The following VSIG10 variants were observed in gnomAD, a reference collection of about 807,000 sequenced individuals.
VSIG10 encodes V-set and immunoglobulin domain containing 10.
Under a neutral mutation model 58.7 loss-of-function variants are expected in VSIG10, and 48 were observed. The ratio of observed to expected loss-of-function variants is 0.82; its 90% confidence interval spans 0.65 to 1.04. The LOEUF (loss-of-function observed/expected upper bound fraction) is 1.04. VSIG10 is among the 50% of genes least tolerant of loss of function. The probability of loss-of-function intolerance (pLI) is 0.00; values close to 1 mark genes in which losing one functional copy is unlikely to be tolerated. For synonymous variants in VSIG10, 260 were observed against 267.1 expected, an observed-to-expected ratio of 0.97 and a Z score of 0.26; for missense variants, 628 against 670.0, an observed-to-expected ratio of 0.94 and a Z score of 0.69.
chr12:118,097,525 GA>G (rs931814667), intron 1 of VSIG10, among the ~76,000 whole-genome samples: 16 of 152,152 alleles, frequency 1.1e-4, no homozygotes, highest in African/African-American at 3.9e-4. Flanking sequence ...TGAGGCACGA[GA>G]ATCACTTGAA....
intron 1 of VSIG10, among the ~76,000 whole-genome samples, chr12:118,100,616 G>A (rs2033599741): frequency 6.6e-6 from 1 of 152,032 alleles, no homozygotes. Context: ...TGCAACCTCT[G>A]CCTTTGGGTT....
intron 4 of VSIG10, 47 bp downstream of exon 4, chr12:118,079,299 G>A: frequency 6.3e-7 from 1 of 1,596,616 alleles, no homozygotes; most frequent in South Asian, 1.1e-5. Context: ...CTAGGAGAAA[G>A]GAAGGCAGGG....
chr12:118,098,955 G>A (rs567326721), intron 1 of VSIG10, among the ~76,000 whole-genome samples: 5 of 150,240 alleles, frequency 3.3e-5, no homozygotes, highest in African/African-American at 1.2e-4. Flanking sequence ...GTCCTGGACA[G>A]TCTTGAACTC....
At chr12:118,088,880 T>C (rs561734404) in intron 2 of VSIG10, among the ~76,000 whole-genome samples, 1 of 152,108 alleles carries the variant, frequency 6.6e-6, no homozygotes, top group Non-Finnish European at 1.5e-5. Context: ...AACTAAGACA[T>C]GCACAGGACT....
chr12:118,084,749 C>T (rs1172523517), intron 2 of VSIG10, among the ~76,000 whole-genome samples: 2 of 152,164 alleles, frequency 1.3e-5, no homozygotes, highest in Non-Finnish European at 2.9e-5. Context: ...CGTGGTAGAG[C>T]ATGCCTGTAA....
rs893442212 is a variant in VSIG10, at chr12:118,085,868, A to G, written c.362-3439T>C. ...ACTTCGTCTCAAAAAAAAAAAAAAA[A>G]AGTTGGGCCCAGGCATGATGGCTCA... On this transcript the variant is annotated intron_variant, in intron 2 of 8. Coordinates refer to ENST00000359236, the MANE Select transcript of VSIG10 (RefSeq NM_019086.6). Among the ~76,000 whole-genome samples the G allele has an allele frequency of 2.2e-5, 3 of 138,230 alleles. No individual in the cohort carries two copies. The Admixed American group carries it at 2.2e-4, about 10-fold the overall frequency. The allele number at this position is 138,230 out of a possible 152,430, so 90.7% of individuals were successfully genotyped here. A position where few individuals can be genotyped will look rare whatever the true frequency, so the allele number is the denominator to read the frequency against.
chr12:118,096,514 G>A (rs185279086), intron 1 of VSIG10, among the ~76,000 whole-genome samples: 135 of 150,308 alleles, frequency 9.0e-4, no homozygotes, highest in African/African-American at 3.1e-3. Flanking sequence ...GGAAGCAGAG[G>A]TTGCGCTGAG....
chr12:118,100,561 C>T (rs548017638), intron 1 of VSIG10, among the ~76,000 whole-genome samples: 67 of 152,082 alleles, frequency 4.4e-4, no homozygotes, highest in African/African-American at 1.3e-3. Flanking sequence ...GATGAAGTCT[C>T]GCTCTGTTGC....
rs114260166 is a variant in VSIG10, at chr12:118,073,892, G to T, written c.1026C>A (p.Ile342=). The change falls in exon 5 of 9, where the codon ATC becomes ATA. Residue 342 remains isoleucine (I), a synonymous_variant. Coordinates refer to ENST00000359236, the MANE Select transcript of VSIG10 (RefSeq NM_019086.6). The part of the protein sequence containing the change: ...QVSGAYPPAK[I]LWLRNLTQPE... ...GCTGGGTAAGGTTCCTCAGCCACAGGATCTTGGCAGGGGGGTAGGCCCCAG... is the reference window on the plus strand; with the variant it reads ...GCTGGGTAAGGTTCCTCAGCCACAGTATCTTGGCAGGGGGGTAGGCCCCAG... 1,541 of 1,613,946 alleles carry T rather than the reference G, an allele frequency of 9.5e-4. 9 individuals carry two copies. In the African/African-American group the frequency reaches 0.017, roughly 18 times the overall value.
At chr12:118,101,725 A>C (rs2033627906) in intron 1 of VSIG10, 1 of 152,062 alleles carries the variant, frequency 6.6e-6, no homozygotes, top group South Asian at 2.1e-4. Flanking sequence ...TCAGGAGAAA[A>C]ATTTTTTTCC....
intron 4 of VSIG10, among the ~76,000 whole-genome samples, chr12:118,076,997 T>C (rs2032754625): frequency 6.6e-6 from 1 of 152,196 alleles, no homozygotes; most frequent in African/African-American, 2.4e-5. Context: ...GTCATTGGAT[T>C]ACAGCCTACT....
chr12:118,090,220 G>C (rs1239023099), intron 2 of VSIG10, among the ~76,000 whole-genome samples: 1 of 152,118 alleles, frequency 6.6e-6, no homozygotes, highest in Non-Finnish European at 1.5e-5. Context: ...CAGAAGAATC[G>C]CTTGAACACA....
chr12:118,069,599 G>T (rs1008501579), intron 7 of VSIG10, among the ~76,000 whole-genome samples: 3 of 151,734 alleles, frequency 2.0e-5, no homozygotes, highest in African/African-American at 7.3e-5. Context: ...CTAATTTTTT[G>T]TATTTTTAGT....
At chr12:118,088,050 C>G (rs917939264) in intron 2 of VSIG10, among the ~76,000 whole-genome samples, 1 of 151,868 alleles carries the variant, frequency 6.6e-6, no homozygotes, top group Non-Finnish European at 1.5e-5. Flanking sequence ...TCAAGACCAG[C>G]CTGGCCAACA....
chr12:118,071,700 G>A (rs1009473883), intron 5 of VSIG10, among the ~76,000 whole-genome samples: 17 of 152,314 alleles, frequency 1.1e-4, no homozygotes, highest in African/African-American at 4.1e-4. Context: ...AAATCTCTCT[G>A]TCTACCAAAC....
intron 1 of VSIG10, among the ~76,000 whole-genome samples, chr12:118,096,314 A>C (rs551365042): frequency 5.3e-5 from 8 of 151,020 alleles, no homozygotes; most frequent in African/African-American, 4.9e-5. Flanking sequence ...CATGGTGGCT[A>C]ACGCCTGTAA....
At chr12:118,078,207 G>A (rs2032801873) in intron 4 of VSIG10, among the ~76,000 whole-genome samples, 2 of 152,180 alleles carry the variant, frequency 1.3e-5, no homozygotes, top group Non-Finnish European at 2.9e-5. Context: ...CGCCCAGGCT[G>A]GAGTGCAGTG....
At chr12:118,074,145 C>T (rs1423885144) in intron 4 of VSIG10, among the ~76,000 whole-genome samples, 153 bp from the exon 5 acceptor site, 1 of 152,032 alleles carries the variant, frequency 6.6e-6, no homozygotes, top group East Asian at 1.9e-4. Context: ...TGCAGTGGTG[C>T]GATCTCAGCT....
intron 1 of VSIG10, among the ~76,000 whole-genome samples, chr12:118,096,165 GA>G (rs2033449331): frequency 6.6e-6 from 1 of 152,088 alleles, no homozygotes; most frequent in Non-Finnish European, 1.5e-5. Flanking sequence ...CTGACCTCAG[GA>G]AAAGTCAGGC....
Sources: gnomAD v4.1 joint callset for allele counts (sites outside exome capture counted in the v4.1 genomes callset) on GRCh38, gnomAD v4.1.1 for gene constraint, MANE v1.5 for transcripts, NCBI Gene and HGNC (gene_info 2026-07-23, HGNC 2026-07-21) for gene names.